The following MAF variants were observed in gnomAD, a reference collection of about 807,000 sequenced individuals.
MAF encodes the protein MAF bZIP transcription factor.
Under a neutral mutation model 22.0 loss-of-function variants are expected in MAF, and 10 were observed. The observed-to-expected ratio is 0.45, with a 90% confidence interval of 0.28 to 0.77. The LOEUF (loss-of-function observed/expected upper bound fraction) is 0.77, where lower values mean the gene tolerates loss of function less well. MAF is among the 30% of genes least tolerant of loss of function. The pLI is 0.12. For synonymous variants in MAF, 337 were observed against 255.8 expected (o/e 1.32, Z -3.03); for missense variants, 544 against 548.4 (o/e 0.99, Z 0.08).
At chr16:79,375,834 G>C in the MAF span, among the ~76,000 whole-genome samples, 1 of 152,116 alleles carries the variant, frequency 6.6e-6, no homozygotes, top group Non-Finnish European at 1.5e-5. Context: ...GTGGTTCCCA[G>C]CCTCTGAACC....
At chr16:79,288,979 C>T in the MAF span, among the ~76,000 whole-genome samples, 1 of 152,242 alleles carries the variant, frequency 6.6e-6, no homozygotes, top group South Asian at 2.1e-4. Context: ...ATCCACCCGC[C>T]TCGGCCTCCC....
chr16:79,340,458 T>C, the MAF span, among the ~76,000 whole-genome samples: 36 of 151,164 alleles, frequency 2.4e-4, no homozygotes, highest in African/African-American at 7.0e-4. Context: ...ACTGGGAATA[T>C]AGCAGAGAAC....
chr16:79,215,625 A>G, the MAF span, among the ~76,000 whole-genome samples: 1 of 152,262 alleles, frequency 6.6e-6, no homozygotes, highest in African/African-American at 2.4e-5. Context: ...GGCTGACAAC[A>G]TGAGGCCTCG....
the MAF span, among the ~76,000 whole-genome samples, chr16:79,485,841 C>T: frequency 0.73 from 111,354 of 151,998 alleles, 41,755 homozygotes; most frequent in East Asian, 0.83. Flanking sequence ...GGGCGGCCAG[C>T]GGCTGGCAGA....
the MAF span, among the ~76,000 whole-genome samples, chr16:79,471,117 G>T: frequency 6.6e-6 from 1 of 152,072 alleles, no homozygotes; most frequent in East Asian, 1.9e-4. Context: ...TTCCTACCTG[G>T]CCTGCCTTCC....
chr16:79,477,085 G>A, the MAF span, among the ~76,000 whole-genome samples: 1 of 152,196 alleles, frequency 6.6e-6, no homozygotes, highest in Non-Finnish European at 1.5e-5. Context: ...CAGGGCAAGA[G>A]GGGAACAAGG....
chr16:79,573,004 A>T, the MAF span, among the ~76,000 whole-genome samples: 2 of 152,188 alleles, frequency 1.3e-5, no homozygotes, highest in African/African-American at 4.8e-5. Context: ...AGAAAATATC[A>T]TTATTATGTG....
At chr16:79,505,755 C>G in the MAF span, 5 of 152,192 alleles carry the variant, frequency 3.3e-5, no homozygotes, top group African/African-American at 1.2e-4. Flanking sequence ...GCCAAACGGT[C>G]CCTTGGAAGG....
the MAF span, among the ~76,000 whole-genome samples, chr16:79,289,201 C>T: frequency 1.3e-5 from 2 of 152,102 alleles, no homozygotes; most frequent in South Asian, 2.1e-4. Flanking sequence ...CAGGGAGTGG[C>T]ACGGTGTGAC....
chr16:79,499,746 A>G, the MAF span, among the ~76,000 whole-genome samples: 6,361 of 152,244 alleles, frequency 0.042, 440 homozygotes, highest in African/African-American at 0.14. Context: ...AGAACTGTGC[A>G]AAATAAATTT....
the MAF span, among the ~76,000 whole-genome samples, chr16:79,542,920 A>G: frequency 6.6e-6 from 1 of 152,204 alleles, no homozygotes; most frequent in Non-Finnish European, 1.5e-5. Context: ...CATCTGACCT[A>G]TAATAGTAAA....
At chr16:79,544,826 T>C in the MAF span, among the ~76,000 whole-genome samples, 1 of 152,070 alleles carries the variant, frequency 6.6e-6, no homozygotes, top group Non-Finnish European at 1.5e-5. Context: ...AAAATATTAT[T>C]TTATGTATTG....
the MAF span, among the ~76,000 whole-genome samples, chr16:79,252,592 C>T: frequency 2.0e-5 from 3 of 152,190 alleles, no homozygotes; most frequent in South Asian, 2.1e-4. Context: ...TGGGTTCAAG[C>T]GATTCTCCTG....
At chr16:79,203,480 C>T in the MAF span, 1 of 150,586 alleles carries the variant, frequency 6.6e-6, no homozygotes, top group Admixed American at 6.8e-5. Flanking sequence ...GATGTGGCCC[C>T]AGCGGAGACC....
rs912075382 is a variant in MAF, at chr16:79,596,441, GC to G, written c.1119-1889del. The G allele has an allele frequency of 2.8e-6, 3 of 1,054,196 alleles. No individual in the cohort carries two copies. In the African/African-American group the frequency reaches 5.0e-5, roughly 17 times the overall value. 65.3% of individuals were successfully genotyped at this position (1,054,196 alleles called of 1,614,324 possible). On this transcript the variant is annotated intron_variant, in intron 1 of 1. Coordinates refer to ENST00000326043, the MANE Select transcript of MAF (RefSeq NM_005360.5). ...TTTACACTTTTAACGAGGTTGTTGG[GC>G]CCAGTTAAACTGTACACTAAGAAAC...
chr16:79,303,569 C>T, the MAF span, among the ~76,000 whole-genome samples: 1 of 152,202 alleles, frequency 6.6e-6, no homozygotes, highest in Non-Finnish European at 1.5e-5. Flanking sequence ...AATATGCCCT[C>T]TTCCAAAGGC....
chr16:79,424,276 A>G, the MAF span, among the ~76,000 whole-genome samples: 7 of 152,328 alleles, frequency 4.6e-5, no homozygotes, highest in South Asian at 1.0e-3. Flanking sequence ...TTTAAAAGTT[A>G]CCACTAAGAA....
At chr16:79,340,555 C>T in the MAF span, among the ~76,000 whole-genome samples, 12 of 151,778 alleles carry the variant, frequency 7.9e-5, no homozygotes, top group Non-Finnish European at 1.0e-4. Flanking sequence ...ACACTTGCCA[C>T]TCCACTGTTG....
At chr16:79,269,474 C>T in the MAF span, among the ~76,000 whole-genome samples, 4 of 152,070 alleles carry the variant, frequency 2.6e-5, no homozygotes, top group Non-Finnish European at 5.9e-5. Context: ...TGGACAGAGG[C>T]TTGAACCACA....
Sources: gnomAD v4.1 joint callset for allele counts (sites outside exome capture counted in the v4.1 genomes callset) on GRCh38, gnomAD v4.1.1 for gene constraint, MANE v1.5 for transcripts, NCBI Gene and HGNC (gene_info 2026-07-23, HGNC 2026-07-21) for gene names.